GRM7: variants seen among roughly 807,000 people sequenced by gnomAD.
The protein encoded by GRM7 is glutamate metabotropic receptor 7.
A neutral mutation model predicts 84.5 loss-of-function variants in GRM7; 35 were observed. The observed-to-expected ratio is 0.41, with a 90% CI of 0.32 to 0.55. The LOEUF (loss-of-function observed/expected upper bound fraction) is 0.55. GRM7 is among the 20% of genes least tolerant of loss of function. The pLI is 0.19. For synonymous variants in GRM7, 487 were observed against 455.1 expected, an observed-to-expected ratio of 1.07 and a Z score of -0.89; for missense variants, 1,003 against 1,194.6, an observed-to-expected ratio of 0.84 and a Z score of 2.36.
At chr3:7,216,517 G>T (rs1696616947) in intron 2 of GRM7, among the ~76,000 whole-genome samples, 1 of 152,094 alleles carries the variant, frequency 6.6e-6, no homozygotes, top group Non-Finnish European at 1.5e-5. Flanking sequence ...GAAGATATGA[G>T]ATTTTATATA....
At chr3:7,363,287 G>A (rs1693747908) in intron 4 of GRM7, among the ~76,000 whole-genome samples, 1 of 151,952 alleles carries the variant, frequency 6.6e-6, no homozygotes, top group Non-Finnish European at 1.5e-5. Flanking sequence ...GTTGCTTTAA[G>A]ATGATTTGTT....
At chr3:7,525,118 G>A (rs1559379679) in intron 7 of GRM7, among the ~76,000 whole-genome samples, 1 of 151,052 alleles carries the variant, frequency 6.6e-6, no homozygotes, top group East Asian at 2.0e-4. Context: ...ACTGTTGAGG[G>A]GTGGGGGTAG....
chr3:7,019,592 T>C (rs892195996), intron 1 of GRM7, among the ~76,000 whole-genome samples: 1 of 152,170 alleles, frequency 6.6e-6, no homozygotes, highest in African/African-American at 2.4e-5. Flanking sequence ...CCAACAAGCA[T>C]TTACCAATGA....
chr3:6,989,847 A>G (rs1694566261), intron 1 of GRM7, among the ~76,000 whole-genome samples: 2 of 152,238 alleles, frequency 1.3e-5, no homozygotes, highest in Non-Finnish European at 2.9e-5. Flanking sequence ...GAAGAGAAAT[A>G]TAATCTCCCG....
chr3:7,737,409 A>C (rs1051998407), intron 9 of GRM7, among the ~76,000 whole-genome samples: 2 of 152,214 alleles, frequency 1.3e-5, no homozygotes, highest in South Asian at 4.1e-4. Context: ...GTAACTTTAT[A>C]AGAGAAAAAC....
At chr3:6,999,596 A>C (rs940587207) in intron 1 of GRM7, among the ~76,000 whole-genome samples, 1 of 152,190 alleles carries the variant, frequency 6.6e-6, no homozygotes, top group Admixed American at 6.5e-5. Flanking sequence ...TAATTTATAA[A>C]GGAAAAAGGC....
intron 1 of GRM7, chr3:6,892,567 G>A (rs961903839): frequency 6.6e-6 from 1 of 152,082 alleles, no homozygotes; most frequent in Non-Finnish European, 1.5e-5. Flanking sequence ...TCCTGTCAGG[G>A]ACAAGAGCAG....
At chr3:7,068,831 G>A (rs947610598) in intron 1 of GRM7, among the ~76,000 whole-genome samples, 1 of 151,756 alleles carries the variant, frequency 6.6e-6, no homozygotes, top group Non-Finnish European at 1.5e-5. Flanking sequence ...AAAAACCCCT[G>A]ATATATATTA....
chr3:7,153,097 A>G (rs1400284902), intron 2 of GRM7, among the ~76,000 whole-genome samples: 1 of 151,742 alleles, frequency 6.6e-6, no homozygotes, highest in Non-Finnish European at 1.5e-5. Context: ...CTTTCAGAAG[A>G]AACTGCAGCA....
At chr3:7,632,324 A>G (rs1423353955) in intron 8 of GRM7, among the ~76,000 whole-genome samples, 1 of 152,176 alleles carries the variant, frequency 6.6e-6, no homozygotes, top group Non-Finnish European at 1.5e-5. Flanking sequence ...AGCCATTACT[A>G]TTCTCAGTCT....
chr3:7,278,266 T>C (rs1699141042), intron 2 of GRM7, among the ~76,000 whole-genome samples: 1 of 152,050 alleles, frequency 6.6e-6, no homozygotes, highest in Non-Finnish European at 1.5e-5. Context: ...GTCCTAAGTT[T>C]TATTTTGTCC....
intron 4 of GRM7, among the ~76,000 whole-genome samples, chr3:7,313,815 C>T (rs1197600865): frequency 2.6e-5 from 4 of 151,978 alleles, no homozygotes; most frequent in Non-Finnish European, 2.9e-5. Context: ...AATATCCATG[C>T]AAGAATTGTC....
At chr3:6,916,468 C>T (rs1306309287) in intron 1 of GRM7, among the ~76,000 whole-genome samples, 1 of 152,082 alleles carries the variant, frequency 6.6e-6, no homozygotes, top group African/African-American at 2.4e-5. Context: ...TAAAGGGATA[C>T]CTTTGACTAA....
chr3:7,459,329 A>G (rs1008882449), intron 6 of GRM7, among the ~76,000 whole-genome samples: 1 of 152,118 alleles, frequency 6.6e-6, no homozygotes, highest in Admixed American at 6.6e-5. Context: ...GTTAAGTATG[A>G]ACACTTAACC....
chr3:7,327,777 G>T (rs921617592), intron 4 of GRM7, among the ~76,000 whole-genome samples: 5 of 152,172 alleles, frequency 3.3e-5, no homozygotes, highest in Non-Finnish European at 7.3e-5. Flanking sequence ...ATATTTGCAT[G>T]TTTAACAAAT....
intron 1 of GRM7, among the ~76,000 whole-genome samples, chr3:6,950,411 C>T (rs746204555): frequency 2.6e-5 from 4 of 152,146 alleles, no homozygotes; most frequent in Non-Finnish European, 5.9e-5. Context: ...GATCGTTCCT[C>T]CGGAAATTTT....
At chr3:6,901,319 G>A (rs570304601) in intron 1 of GRM7, among the ~76,000 whole-genome samples, 1 of 152,186 alleles carries the variant, frequency 6.6e-6, no homozygotes, top group African/African-American at 2.4e-5. Flanking sequence ...ATTTATGTAG[G>A]CTGGGCGCAG....
At chr3:7,549,593 T>C (rs139705242) in intron 7 of GRM7, among the ~76,000 whole-genome samples, 7 of 152,270 alleles carry the variant, frequency 4.6e-5, no homozygotes, top group African/African-American at 1.7e-4. Context: ...TTCCCAAAAG[T>C]TACCTAGAAA....
At chr3:7,225,676 T>A (rs1696960758) in intron 2 of GRM7, among the ~76,000 whole-genome samples, 1 of 151,616 alleles carries the variant, frequency 6.6e-6, no homozygotes, top group Non-Finnish European at 1.5e-5. Flanking sequence ...CCAAGGTGAT[T>A]ATTTTTATCA....
Sources: gnomAD v4.1 joint callset for allele counts (sites outside exome capture counted in the v4.1 genomes callset) on GRCh38, gnomAD v4.1.1 for gene constraint, MANE v1.5 for transcripts, NCBI Gene and HGNC (gene_info 2026-07-23, HGNC 2026-07-21) for gene names.